The following CATSPERE variants were observed in gnomAD, a reference collection of about 807,000 sequenced individuals.
CATSPERE encodes cation channel sperm-associated auxiliary subunit epsilon.
Under a neutral mutation model 114.1 loss-of-function variants are expected in CATSPERE, and 93 were observed. The ratio of observed to expected loss-of-function variants is 0.81; its 90% CI spans 0.69 to 0.97. CATSPERE has a LOEUF of 0.97. Among genes scored for constraint, CATSPERE ranks in the 50% least tolerant of loss-of-function variants. The pLI is 0.00. For synonymous variants in CATSPERE, 341 were observed against 384.1 expected (o/e 0.89, Z 1.31); for missense variants, 1,058 against 1,131.6 (o/e 0.93, Z 0.93).
intron 7 of CATSPERE, among the ~76,000 whole-genome samples, chr1:244,500,250 T>G (rs969890609): frequency 2.6e-5 from 4 of 152,212 alleles, no homozygotes; most frequent in Non-Finnish European, 4.4e-5. Flanking sequence ...ATTAGACTTT[T>G]GTCAGATGGA....
chr1:244,528,965 T>TA (rs1240926728), intron 8 of CATSPERE, among the ~76,000 whole-genome samples: 2 of 152,228 alleles, frequency 1.3e-5, no homozygotes, highest in African/African-American at 2.4e-5. Flanking sequence ...TCACTTAGCA[T>TA]AATGGCCTCC....
At chr1:244,491,007 G>C (rs1380627369) in intron 6 of CATSPERE, among the ~76,000 whole-genome samples, 1 of 151,764 alleles carries the variant, frequency 6.6e-6, no homozygotes, top group East Asian at 1.9e-4. Flanking sequence ...GTATGAAGGG[G>C]GTCCTACTGT....
At position 244,518,694 on chromosome 1, in the gene CATSPERE, AG is replaced by A; in HGVS notation, c.536+1del. The A allele has an allele frequency of 6.8e-7, 1 of 1,470,434 alleles. No individual in the cohort carries two copies. Among genetic ancestry groups the A allele is most frequent in the Non-Finnish European group, 9.2e-7 (1 of 1,081,846 alleles). 91.1% of individuals were successfully genotyped at this position (1,470,434 alleles called of 1,614,324 possible). On this transcript the variant is annotated frameshift_variant, in exon 8 of 22. Coordinates refer to ENST00000366534, the MANE Select transcript of CATSPERE (RefSeq NM_001130957.2). LOFTEE classifies it high-confidence loss of function. ...TTATTCTTCAAATGAGAAAATGAGA[AG>A]GGGGTATTTAATTTTTTTTAATTTT... ...KVYSSNEKMRRGTWRIVVPMT... is the reference protein window; with the variant it reads ...KVYSSNEKMRXGTWRIVVPMT...
intron 10 of CATSPERE, among the ~76,000 whole-genome samples, chr1:244,564,279 T>C (rs1465011047): frequency 1.3e-5 from 2 of 152,248 alleles, no homozygotes; most frequent in African/African-American, 4.8e-5. Context: ...TTTTTTCTAA[T>C]TCTGTGAAGA....
intron 10 of CATSPERE, among the ~76,000 whole-genome samples, chr1:244,562,363 C>A (rs767879315): frequency 3.3e-5 from 5 of 151,884 alleles, no homozygotes; most frequent in Non-Finnish European, 2.9e-5. Flanking sequence ...TATTAGCCTT[C>A]AGTTCTTTTT....
intron 5 of CATSPERE, among the ~76,000 whole-genome samples, chr1:244,487,268 G>GT (rs1671243137): frequency 6.6e-6 from 1 of 152,050 alleles, no homozygotes. Flanking sequence ...ATACTTATGG[G>GT]CCAGGTACAG....
Position 244,546,088 on chromosome 1 carries a change from C to T in CATSPERE, c.537-6234C>T, listed in dbSNP as rs557301258. ...AATTGACCCAATCTCTGGCCTGCAT[C>T]ACTGCCAGCTGACTACAGAGGCCTT... On this transcript the variant is annotated intron_variant, in intron 8 of 21. Coordinates refer to ENST00000366534, the MANE Select transcript of CATSPERE (RefSeq NM_001130957.2). 3.3e-5 allele frequency among the ~76,000 whole-genome samples: 5 copies of T among 152,348 alleles called. No homozygotes were observed. The South Asian group carries it at 8.3e-4, about 25-fold the overall frequency.
At chr1:244,507,651 G>A (rs767155088) in intron 7 of CATSPERE, among the ~76,000 whole-genome samples, 1 of 151,832 alleles carries the variant, frequency 6.6e-6, no homozygotes, top group Non-Finnish European at 1.5e-5. Context: ...ATTTTGAGTT[G>A]ATATATATAT....
At chr1:244,578,583 G>A (rs1223643222) in intron 11 of CATSPERE, among the ~76,000 whole-genome samples, 1 of 151,696 alleles carries the variant, frequency 6.6e-6, no homozygotes, top group East Asian at 1.9e-4. Context: ...AAGTAAGCTA[G>A]AGAAAAGAAA....
At chr1:244,461,820 CTGTT>C (rs1459505189) in intron 1 of CATSPERE, among the ~76,000 whole-genome samples, 1 of 152,170 alleles carries the variant, frequency 6.6e-6, no homozygotes, top group African/African-American at 2.4e-5. Context: ...CGGGGGTTGT[CTGTT>C]TGTTTTAGAG....
chr1:244,527,753 T>C (rs1430109371), intron 8 of CATSPERE, among the ~76,000 whole-genome samples: 2 of 152,160 alleles, frequency 1.3e-5, no homozygotes, highest in Non-Finnish European at 2.9e-5. Context: ...GGGGAACTAA[T>C]AAATGTCCAT....
At chr1:244,576,381 T>C (rs1665268682) in intron 11 of CATSPERE, among the ~76,000 whole-genome samples, 1 of 151,632 alleles carries the variant, frequency 6.6e-6, no homozygotes, top group Non-Finnish European at 1.5e-5. Flanking sequence ...TGCTTGTTTC[T>C]CGGTACTGCA....
At chr1:244,514,335 A>C (rs1232573998) in intron 7 of CATSPERE, among the ~76,000 whole-genome samples, 1 of 152,198 alleles carries the variant, frequency 6.6e-6, no homozygotes, top group Non-Finnish European at 1.5e-5. Context: ...AGAACATTTT[A>C]GAGGTGACAA....
chr1:244,514,435 T>C (rs1676251153), intron 7 of CATSPERE, among the ~76,000 whole-genome samples: 1 of 152,200 alleles, frequency 6.6e-6, no homozygotes, highest in Non-Finnish European at 1.5e-5. Context: ...ACAGAGTTTC[T>C]TCTATGTGAT....
intron 6 of CATSPERE, among the ~76,000 whole-genome samples, chr1:244,495,698 C>T (rs1187351134): frequency 2.0e-5 from 3 of 151,914 alleles, no homozygotes; most frequent in Non-Finnish European, 4.4e-5. Context: ...TCCCGCCTGG[C>T]GACAGAGCGA....
At chr1:244,451,910 G>A (rs1294546810), upstream of CATSPERE, 7 of 1,315,672 alleles carry the variant, frequency 5.3e-6, no homozygotes, top group South Asian at 1.6e-5. The surrounding 1 kb of genome is among the most constrained non-coding windows in gnomAD (Gnocchi z 6.6). Flanking sequence ...ACATGCAGAG[G>A]AAGAAGGAGC....
chr1:244,507,897 G>A (rs1378573823), intron 7 of CATSPERE, among the ~76,000 whole-genome samples: 1 of 152,056 alleles, frequency 6.6e-6, no homozygotes, highest in Non-Finnish European at 1.5e-5. Context: ...TTGAAGTCAG[G>A]TTGTGTATGC....
At chr1:244,488,197 G>T (rs1353030315) in intron 5 of CATSPERE, among the ~76,000 whole-genome samples, 2 of 152,202 alleles carry the variant, frequency 1.3e-5, no homozygotes, top group Non-Finnish European at 2.9e-5. Context: ...TTCTGAAACT[G>T]CTGTGGCAAA....
chr1:244,624,178 A>G (rs1442509935), intron 20 of CATSPERE, among the ~76,000 whole-genome samples: 17 of 123,630 alleles, frequency 1.4e-4, no homozygotes, highest in African/African-American at 4.0e-4. Context: ...TCACCGTGTT[A>G]GCCAGGATGG....
Sources: gnomAD v4.1 joint callset for allele counts (sites outside exome capture counted in the v4.1 genomes callset) on GRCh38, gnomAD v4.1.1 for gene constraint, Gnocchi (gnomAD v3.1) non-coding constraint, MANE v1.5 for transcripts, NCBI Gene and HGNC (gene_info 2026-07-23, HGNC 2026-07-21) for gene names.